The following CUBN variants were observed in gnomAD, a reference collection of about 807,000 sequenced individuals.
The protein encoded by CUBN is cubilin, also known as 460 kDa receptor.
Under a neutral mutation model 405.3 loss-of-function variants are expected in CUBN, and 282 were observed. The ratio of observed to expected loss-of-function variants is 0.70; its 90% confidence interval spans 0.63 to 0.77. CUBN has a LOEUF of 0.77. Ranked by LOEUF, CUBN falls within the 30% of genes least tolerant of loss-of-function variation. CUBN has a pLI of 0.00. For synonymous variants in CUBN, 1,684 were observed against 1,617.0 expected, an observed-to-expected ratio of 1.04 and a Z score of -0.99; for missense variants, 4,514 against 4,475.2, an observed-to-expected ratio of 1.01 and a Z score of -0.25.
chr10:16,862,167 C>CACACACAG (rs1840038138), intron 59 of CUBN, among the ~76,000 whole-genome samples: 1 of 149,998 alleles, frequency 6.7e-6, no homozygotes, highest in African/African-American at 2.5e-5. Flanking sequence ...CTCTCACACA[C>CACACACAG]ACACACACAC....
At chr10:17,092,939 T>C (rs1414042832) in intron 14 of CUBN, among the ~76,000 whole-genome samples, 1 of 152,188 alleles carries the variant, frequency 6.6e-6, no homozygotes, top group Non-Finnish European at 1.5e-5. Context: ...TGATTGATAA[T>C]AGTAAGGAAT....
chr10:16,965,343 C>T (rs1472058557), intron 31 of CUBN, among the ~76,000 whole-genome samples: 1 of 152,128 alleles, frequency 6.6e-6, no homozygotes, highest in Admixed American at 6.6e-5. Flanking sequence ...TTAAATTGCA[C>T]GAAATAAAGA....
At chr10:17,117,651 A>G (rs1836937260) in intron 6 of CUBN, among the ~76,000 whole-genome samples, 1 of 152,178 alleles carries the variant, frequency 6.6e-6, no homozygotes, top group Non-Finnish European at 1.5e-5. Context: ...GCTGGTCTCG[A>G]ACTCTTGACC....
rs375807425 is a variant in CUBN at position 16,939,021 on chromosome 10, C to A, written c.5675G>T (p.Gly1892Val). ...VNVNASHVVH[G>V]RILEMDIEEI... ...TTCTATGTCCATCTCCAAGATTCTACCATGGACAACGTGAGATGCATTCAC... is the reference window on the plus strand; with the variant it reads ...TTCTATGTCCATCTCCAAGATTCTAACATGGACAACGTGAGATGCATTCAC... Residue 1892 changes from glycine (G) to valine (V), a missense_variant, in exon 38 of 67, where the codon GGT becomes GTT. Transcript: ENST00000377833. The A allele has an allele frequency of 2.7e-5, 43 of 1,613,706 alleles. No individual in the cohort carries two copies. Among genetic ancestry groups the A allele is most frequent in the Non-Finnish European group, 1.6e-5 (19 of 1,179,802 alleles).
chr10:16,929,576 T>C (rs1842308567), intron 40 of CUBN, among the ~76,000 whole-genome samples: 1 of 152,226 alleles, frequency 6.6e-6, no homozygotes, highest in African/African-American at 2.4e-5. Context: ...TTTTCTATTC[T>C]TGTGATTACA....
intron 2 of CUBN, among the ~76,000 whole-genome samples, chr10:17,128,294 C>T (rs1454259885): frequency 2.6e-5 from 4 of 152,138 alleles, no homozygotes; most frequent in South Asian, 2.1e-4. Flanking sequence ...GTTTCTTTAC[C>T]TCTTGTAAAA....
rs375431948 is a variant in CUBN, at chr10:17,126,808, A to G, written c.349-9T>C. 1.6e-4 allele frequency: 262 copies of G among 1,613,984 alleles called. 1 individual carries two copies. The highest frequency in any genetic ancestry group is 3.4e-4 in the South Asian group (31 of 91,084). ...CTCTCAAGATCCACCAGCTGGCAAT[A>G]GGGAAGAAAAAGCTTCAGTTAGCTG... On this transcript the variant is annotated splice_polypyrimidine_tract_variant and intron_variant, in intron 3 of 66. Coordinates refer to ENST00000377833, the MANE Select transcript of CUBN (RefSeq NM_001081.4).
intron 27 of CUBN, among the ~76,000 whole-genome samples, chr10:17,031,652 A>T (rs1834791583): frequency 6.6e-6 from 1 of 152,244 alleles, no homozygotes; most frequent in Non-Finnish European, 1.5e-5. Flanking sequence ...TTAGCATCCC[A>T]TGGTAGTCAC....
At chr10:16,969,984 C>T (rs1247749498) in intron 31 of CUBN, among the ~76,000 whole-genome samples, 4 of 152,176 alleles carry the variant, frequency 2.6e-5, no homozygotes, top group African/African-American at 9.7e-5. Flanking sequence ...AATGCAACTC[C>T]TAACTGAATC....
intron 62 of CUBN, among the ~76,000 whole-genome samples, chr10:16,836,787 C>A (rs998754349): frequency 1.3e-5 from 2 of 152,170 alleles, no homozygotes; most frequent in Non-Finnish European, 2.9e-5. Context: ...CCTGATCCAG[C>A]CCTTGCTACC....
At chr10:17,111,141 A>G in intron 8 of CUBN, 91 bp from the exon 9 acceptor site, 6 of 1,377,034 alleles carry the variant, frequency 4.4e-6, no homozygotes, top group Non-Finnish European at 6.2e-6. Context: ...AACCTTCTCC[A>G]CCTAAGGAAC....
intron 28 of CUBN, among the ~76,000 whole-genome samples, chr10:17,018,415 G>T (rs989060261): frequency 6.6e-6 from 1 of 152,224 alleles, no homozygotes; most frequent in South Asian, 2.1e-4. Context: ...TCCGGATTTT[G>T]TTTGTTCAGA....
chr10:17,122,838 A>T lies in CUBN; in HGVS notation c.550T>A (p.Cys184Ser). ...TTAACACATGTGCCTCCATTCTGGC[A>T]GCTCAAGGGTGTTCCTGAGTAAATC... ...CEIYSGTPLS[C>S]QNGGTCVNTM... The change falls in exon 6 of 67, where the codon TGC (cysteine) becomes AGC (serine). Residue 184 changes from cysteine (C) to serine (S), a missense_variant. Coordinates refer to ENST00000377833, the MANE Select transcript of CUBN (RefSeq NM_001081.4). 4 of 1,613,792 alleles carry T rather than the reference A, an allele frequency of 2.5e-6. No homozygotes were observed. Among genetic ancestry groups the T allele is most frequent in the Non-Finnish European group, 3.4e-6 (4 of 1,179,888 alleles).
At chr10:17,096,227 T>C (rs184422339) in intron 14 of CUBN, among the ~76,000 whole-genome samples, 1 of 152,142 alleles carries the variant, frequency 6.6e-6, no homozygotes, top group South Asian at 2.1e-4. Flanking sequence ...GCATGGTGAC[T>C]ATCATTAACA....
At chr10:17,014,288 A>G (rs1834264974) in intron 28 of CUBN, among the ~76,000 whole-genome samples, 1 of 152,148 alleles carries the variant, frequency 6.6e-6, no homozygotes, top group South Asian at 2.1e-4. Flanking sequence ...GTATAAAGAA[A>G]AGTTTTGTCC....
intron 31 of CUBN, among the ~76,000 whole-genome samples, chr10:16,968,317 C>T (rs936642545): frequency 6.6e-6 from 1 of 151,200 alleles, no homozygotes; most frequent in Non-Finnish European, 1.5e-5. Flanking sequence ...GGTGGGAGCA[C>T]AGGGAATTTT....
chr10:16,889,670 C>T (rs184950511), intron 55 of CUBN, among the ~76,000 whole-genome samples: 85 of 151,672 alleles, frequency 5.6e-4, no homozygotes, highest in African/African-American at 1.9e-3. Flanking sequence ...CCGAGGCGGG[C>T]GGTTCACGAG....
intron 36 of CUBN, among the ~76,000 whole-genome samples, chr10:16,941,651 C>T (rs1374036870): frequency 6.6e-6 from 1 of 151,748 alleles, no homozygotes; most frequent in African/African-American, 2.4e-5. Context: ...TGAGACCAGC[C>T]TGAGCAACAC....
At chr10:16,889,820 T>G (rs1043384583) in intron 55 of CUBN, among the ~76,000 whole-genome samples, 2 of 151,418 alleles carry the variant, frequency 1.3e-5, no homozygotes, top group Admixed American at 6.6e-5. Flanking sequence ...GAGAATAGCT[T>G]GAACCCAGGA....
Sources: gnomAD v4.1 joint callset for allele counts (sites outside exome capture counted in the v4.1 genomes callset) on GRCh38, gnomAD v4.1.1 for gene constraint, MANE v1.5 for transcripts, NCBI Gene and HGNC (gene_info 2026-07-23, HGNC 2026-07-21) for gene names.